Variants in C19orf47 observed in about 807,000 individuals in gnomAD.
C19orf47 encodes the protein uncharacterized protein C19orf47.
A neutral mutation model predicts 32.3 loss-of-function variants in C19orf47; 18 were observed. The ratio of observed to expected loss-of-function variants is 0.56; its 90% CI spans 0.39 to 0.83. The LOEUF is 0.83. Among genes scored for constraint, C19orf47 ranks in the 40% least tolerant of loss-of-function variants. The probability of loss-of-function intolerance (pLI) is 0.00; values close to 1 mark genes in which losing one functional copy is unlikely to be tolerated. For missense variants in C19orf47, 484 were observed against 531.6 expected, an observed-to-expected ratio of 0.91 and a Z score of 0.88; for synonymous variants, 202 against 211.1, an observed-to-expected ratio of 0.96 and a Z score of 0.37.
the C19orf47 span, among the ~76,000 whole-genome samples, chr19:40,297,701 G>GAAAAA: frequency 9.0e-6 from 1 of 110,860 alleles, no homozygotes; most frequent in Non-Finnish European, 1.7e-5. Flanking sequence ...CTCCGTCTCG[G>GAAAAA]AAAAAAAAAA....
At position 40,326,444 on chromosome 19, in the gene C19orf47, G is replaced by T. The variant is rs377386736; in HGVS notation, c.482C>A (p.Ala161Asp). The T allele has an allele frequency of 3.7e-5, 59 of 1,613,966 alleles. No individual in the cohort carries two copies. The African/African-American group carries it at 7.5e-4, about 20-fold the overall frequency. Residue 161 changes from alanine to aspartate, a missense_variant, in exon 7 of 9, where the codon GCC becomes GAC. This residue lies in a region of C19orf47 where 376 missense variants were observed against 370.2 expected (regional missense o/e 1.02). Transcript: ENST00000683109. ...RREEESLAVP[A>D]KRRRVTAEME... ...CTCAGCAGTGACCCGGCGCCGCTTG[G>T]CAGGAACAGCCAGGCTCTCCTCCTC...
At chr19:40,300,755 C>G in the C19orf47 span, among the ~76,000 whole-genome samples, 10 of 152,146 alleles carry the variant, frequency 6.6e-5, no homozygotes, top group Non-Finnish European at 1.2e-4. Context: ...ATGGAAATGA[C>G]TCTGACAAGT....
intron 4 of C19orf47, 61 bp downstream of exon 4, chr19:40,336,041 TTGGCTCTG>T: frequency 7.0e-7 from 1 of 1,431,130 alleles, no homozygotes; most frequent in Non-Finnish European, 9.8e-7. Flanking sequence ...AGGCCTCCCA[TTGGCTCTG>T]CAACTGACCC....
the C19orf47 span, among the ~76,000 whole-genome samples, chr19:40,295,799 C>T: frequency 1.1e-3 from 167 of 151,918 alleles, 4 homozygotes; most frequent in East Asian, 0.028. Context: ...CAGGCTGGAG[C>T]GCAGCGTCGC....
chr19:40,323,863 G>T, intron 8 of C19orf47, 143 bp downstream of exon 8: 1 of 1,030,956 alleles, frequency 9.7e-7, no homozygotes, highest in Non-Finnish European at 1.5e-6. Context: ...AAAGCCGCCA[G>T]TGCAAAGCCA....
chr19:40,319,045 G>A (rs1210577519), downstream of C19orf47, among the ~76,000 whole-genome samples: 1 of 152,104 alleles, frequency 6.6e-6, no homozygotes. Context: ...GCTGAGGCGG[G>A]CGGATCACCT....
At chr19:40,318,740 A>C (rs1231287969), downstream of C19orf47, among the ~76,000 whole-genome samples, 3 of 152,178 alleles carry the variant, frequency 2.0e-5, no homozygotes, top group Non-Finnish European at 4.4e-5. Context: ...GGGCCCCCAC[A>C]GAGAAAGGCA....
chr19:40,328,388 C>G (rs769116992), intron 6 of C19orf47, 25 bp downstream of exon 6: 31 of 1,610,644 alleles, frequency 1.9e-5, no homozygotes, highest in Non-Finnish European at 2.5e-5. Context: ...CCAGCTCCTC[C>G]TACCACCTGC....
intron 1 of C19orf47, among the ~76,000 whole-genome samples, chr19:40,345,866 A>AG (rs2078267171): frequency 6.7e-6 from 1 of 148,856 alleles, no homozygotes; most frequent in African/African-American, 2.5e-5. Flanking sequence ...AAAAAAAAAA[A>AG]AGGAAAGGTG....
chr19:40,331,235 C>T (rs1477976066), intron 5 of C19orf47, among the ~76,000 whole-genome samples: 1 of 152,158 alleles, frequency 6.6e-6, no homozygotes, highest in African/African-American at 2.4e-5. Context: ...TGGGGCCAGC[C>T]CTCTTCTGCT....
chr19:40,337,915 A>G (rs2078097972), intron 2 of C19orf47, among the ~76,000 whole-genome samples: 1 of 152,180 alleles, frequency 6.6e-6, no homozygotes, highest in South Asian at 2.1e-4. Context: ...CTGCTAAGCC[A>G]TAGGGCCCTG....
the C19orf47 span, among the ~76,000 whole-genome samples, chr19:40,303,049 T>C: frequency 1.3e-4 from 20 of 152,062 alleles, no homozygotes; most frequent in Non-Finnish European, 1.5e-5. Context: ...AAGGCCAGCC[T>C]GGGCAACGTG....
chr19:40,338,258 C>CAT (rs201272774), intron 2 of C19orf47, among the ~76,000 whole-genome samples: 71 of 86,612 alleles, frequency 8.2e-4, no homozygotes, highest in African/African-American at 9.0e-4. Context: ...TATATATATA[C>CAT]ATATATATAC....
chr19:40,348,338 C>A lies in C19orf47; in HGVS notation c.-48G>T. The A allele has an allele frequency of 5.1e-6, 7 of 1,373,286 alleles. No individual in the cohort carries two copies. The highest frequency in any genetic ancestry group is 6.6e-6 in the Non-Finnish European group (7 of 1,065,228). The allele number at this position is 1,373,286 out of a possible 1,614,324, so 85.1% of individuals were successfully genotyped here. On this transcript the variant is annotated 5_prime_UTR_variant, in exon 1 of 9. Transcript: ENST00000683109. ...CCGCGCCTCACCTGGCCCACCGGGC[C>A]CGCGCCCACTCGCGCCGCCCGCCCT... is the stretch of plus-strand genomic sequence containing the variant.
chr19:40,346,489 T>A (rs374673655), intron 1 of C19orf47, among the ~76,000 whole-genome samples: 8 of 117,216 alleles, frequency 6.8e-5, no homozygotes, highest in East Asian at 4.8e-4. Context: ...AAATAAATAA[T>A]AAAAATAAAA....
chr19:40,302,588 G>A, the C19orf47 span, among the ~76,000 whole-genome samples: 1 of 152,176 alleles, frequency 6.6e-6, no homozygotes, highest in Non-Finnish European at 1.5e-5. Context: ...ACCACTCCTG[G>A]CAACAAATTG....
At position 40,321,055 on chromosome 19, in the gene C19orf47, G is replaced by T; in HGVS notation, c.*827C>A. 1 of 189,840 alleles carries T rather than the reference G, an allele frequency of 5.3e-6. No homozygotes were observed. Among genetic ancestry groups the T allele is most frequent in the Non-Finnish European group, 9.9e-6 (1 of 101,072 alleles). 11.8% of individuals were successfully genotyped at this position (189,840 alleles called of 1,614,324 possible). On this transcript the variant is annotated 3_prime_UTR_variant, in exon 9 of 9. Transcript: ENST00000683109. ...CTGCAACTCACCCTGAAGGAGTGGG[G>T]GAAATGATTTGAAAGTCACAAAAAT...
At chr19:40,324,909 G>C (rs543865403) in intron 7 of C19orf47, among the ~76,000 whole-genome samples, 1 of 151,312 alleles carries the variant, frequency 6.6e-6, no homozygotes, top group Non-Finnish European at 1.5e-5. Context: ...GCAGTGAGCC[G>C]TGTTCGTACC....
chr19:40,346,231 G>A (rs2078275560), intron 1 of C19orf47, among the ~76,000 whole-genome samples: 1 of 149,234 alleles, frequency 6.7e-6, no homozygotes, highest in African/African-American at 2.5e-5. Flanking sequence ...ATAACCTGAG[G>A]TCAGGAATTC....
Sources: gnomAD v4.1 joint callset for allele counts (sites outside exome capture counted in the v4.1 genomes callset) on GRCh38, gnomAD v4.1.1 for gene constraint, gnomAD v4.1.1 regional missense constraint, MANE v1.5 for transcripts, NCBI Gene and HGNC (gene_info 2026-07-23, HGNC 2026-07-21) for gene names.